The following GNAL variants were observed in gnomAD, a reference collection of about 807,000 sequenced individuals.
GNAL encodes the protein guanine nucleotide-binding protein G(olf) subunit alpha.
GNAL carries 18 observed loss-of-function variants against 55.1 expected under a neutral mutation model. The ratio of observed to expected loss-of-function variants is 0.33; its 90% CI spans 0.23 to 0.48. The LOEUF (loss-of-function observed/expected upper bound fraction) is 0.48, where lower values mean the gene tolerates loss of function less well. Ranked by LOEUF, GNAL falls within the 20% of genes least tolerant of loss-of-function variation. The pLI, the probability that GNAL is intolerant of heterozygous loss-of-function variation, is 0.99. For missense variants in GNAL, 412 were observed against 614.1 expected (o/e 0.67, Z 3.48); for synonymous variants, 253 against 237.0 (o/e 1.07, Z -0.62).
In GNAL at chr18:11,884,772, G is replaced by A. The variant is rs565448003; in HGVS notation, c.*3637G>A. 3 of 1,330,492 alleles carry A rather than the reference G, an allele frequency of 2.3e-6. No homozygotes were observed. The highest frequency in any genetic ancestry group is 2.8e-5 in the Admixed American group (1 of 35,724). 82.4% of individuals were successfully genotyped at this position (1,330,492 alleles called of 1,614,324 possible). A position where few individuals can be genotyped will look rare whatever the true frequency, so the allele number is the denominator to read the frequency against. On this transcript the variant is annotated 3_prime_UTR_variant, in exon 12 of 12. Coordinates refer to ENST00000334049, the MANE Select transcript of GNAL (RefSeq NM_182978.4). ...GGCCCTCCTCACCTGAGACCAAGGGGGCCCAGCCTTCTCCCTGCACAGCTC... is the reference window on the plus strand; with the variant it reads ...GGCCCTCCTCACCTGAGACCAAGGGAGCCCAGCCTTCTCCCTGCACAGCTC...
At chr18:11,861,692 C>T (rs911462744) in intron 5 of GNAL, among the ~76,000 whole-genome samples, 4 of 152,158 alleles carry the variant, frequency 2.6e-5, no homozygotes, top group Non-Finnish European at 5.9e-5. Flanking sequence ...AGCTCCCTCT[C>T]GGAAGGGTCA....
chr18:11,865,254 G>C (rs191817980), intron 7 of GNAL, among the ~76,000 whole-genome samples: 21 of 149,332 alleles, frequency 1.4e-4, no homozygotes, highest in Admixed American at 1.3e-3. Context: ...ACTACTGCTT[G>C]TGCACCGTAT....
chr18:11,743,984 C>T (rs930802519), intron 1 of GNAL, among the ~76,000 whole-genome samples: 1 of 152,066 alleles, frequency 6.6e-6, no homozygotes, highest in African/African-American at 2.4e-5. Flanking sequence ...TTTGCAGGTT[C>T]CTCTTGTTAT....
At chr18:11,699,638 C>G (rs1056281146) in intron 1 of GNAL, among the ~76,000 whole-genome samples, 6 of 151,998 alleles carry the variant, frequency 3.9e-5, no homozygotes, top group Non-Finnish European at 7.4e-5. Flanking sequence ...AAAGCAGTGA[C>G]TCTTAAGTGT....
At chr18:11,874,748 G>T (rs538576596) in intron 10 of GNAL, among the ~76,000 whole-genome samples, 2 of 146,376 alleles carry the variant, frequency 1.4e-5, no homozygotes, top group East Asian at 2.1e-4. Context: ...TGACATGGGC[G>T]CTCCCCAGCC....
At chr18:11,764,107 G>GT (rs1488674245) in intron 4 of GNAL, among the ~76,000 whole-genome samples, 2 of 151,588 alleles carry the variant, frequency 1.3e-5, no homozygotes, top group Non-Finnish European at 2.9e-5. Context: ...CTGTTTTTTT[G>GT]TTTTTTTGTT....
At chr18:11,867,476 C>T (rs1281168506) in intron 8 of GNAL, among the ~76,000 whole-genome samples, 2 of 151,870 alleles carry the variant, frequency 1.3e-5, no homozygotes, top group South Asian at 2.1e-4. Context: ...GTCAGGAGTT[C>T]GAGACCAGCC....
Position 11,689,645 on chromosome 18 carries a change from G to C in GNAL, c.82G>C (p.Glu28Gln). Residue 28 changes from glutamate to glutamine, a missense_variant, in exon 1 of 12, where the codon GAG (glutamate) becomes CAG (glutamine). Glu to Gln is a conservative substitution (Grantham distance 29). Coordinates refer to ENST00000334049, the MANE Select transcript of GNAL (RefSeq NM_182978.4). ...DPCAASEPPV[E>Q]DAQPAPAPAL... Reference sequence around the variant, plus strand: ...CTGCGCGGCCTCGGAGCCGCCGGTGGAGGACGCGCAGCCCGCCCCGGCCCC... The same window carrying C: ...CTGCGCGGCCTCGGAGCCGCCGGTGCAGGACGCGCAGCCCGCCCCGGCCCC... 7.2e-7 allele frequency: 1 copy of C among 1,393,796 alleles called. No individual in the cohort carries two copies. The highest frequency in any genetic ancestry group is 1.6e-5 in the South Asian group (1 of 62,214). 86.3% of individuals were successfully genotyped at this position (1,393,796 alleles called of 1,614,324 possible).
intron 5 of GNAL, chr18:11,851,387 C>A: frequency 7.9e-7 from 1 of 1,259,600 alleles, no homozygotes; most frequent in Non-Finnish European, 1.1e-6. Flanking sequence ...ACCTGCGCCG[C>A]TCACAGTAGA....
intron 4 of GNAL, among the ~76,000 whole-genome samples, chr18:11,815,601 C>T (rs977449433): frequency 6.6e-6 from 1 of 152,122 alleles, no homozygotes; most frequent in Non-Finnish European, 1.5e-5. Context: ...GCCCCACCTC[C>T]AACATTGGGG....
In GNAL at chr18:11,731,032, G is replaced by A. The variant is rs189786224; in HGVS notation, c.377-21821G>A. ...TTGCCACACAGAATCTATTGCATTA[G>A]ACTGATGATCTCTGTTTTAATGTTA... On this transcript the variant is annotated intron_variant, in intron 1 of 11. Coordinates refer to ENST00000334049, the MANE Select transcript of GNAL (RefSeq NM_182978.4). Among the ~76,000 whole-genome samples, 34 of 152,300 alleles carry A rather than the reference G, an allele frequency of 2.2e-4. 1 individual carries two copies. Among genetic ancestry groups the A allele is most frequent in the Middle Eastern group, 3.4e-3 (1 of 294 alleles).
intron 4 of GNAL, among the ~76,000 whole-genome samples, chr18:11,801,612 A>G (rs1231119226): frequency 6.6e-6 from 1 of 152,188 alleles, no homozygotes; most frequent in Non-Finnish European, 1.5e-5. Flanking sequence ...AGAAGATGCC[A>G]TAGAGAGGCA....
intron 8 of GNAL, among the ~76,000 whole-genome samples, chr18:11,867,476 C>G (rs1281168506): frequency 6.6e-6 from 1 of 151,870 alleles, no homozygotes; most frequent in East Asian, 1.9e-4. Context: ...GTCAGGAGTT[C>G]GAGACCAGCC....
chr18:11,773,752 C>T (rs1447433149), intron 4 of GNAL, among the ~76,000 whole-genome samples: 1 of 152,202 alleles, frequency 6.6e-6, no homozygotes, highest in African/African-American at 2.4e-5. Flanking sequence ...GCACTGTGCT[C>T]TAGCCTGATG....
chr18:11,820,286 A>G (rs1361721354), intron 4 of GNAL, among the ~76,000 whole-genome samples: 1 of 152,194 alleles, frequency 6.6e-6, no homozygotes, highest in Non-Finnish European at 1.5e-5. Context: ...CCAGTGTCAC[A>G]TAATTGGGGG....
At chr18:11,793,925 A>G (rs2034307493) in intron 4 of GNAL, among the ~76,000 whole-genome samples, 1 of 152,086 alleles carries the variant, frequency 6.6e-6, no homozygotes, top group African/African-American at 2.4e-5. Flanking sequence ...AAAAAAAAAA[A>G]AAAAGGACAA....
chr18:11,769,005 T>C (rs1386524678), intron 4 of GNAL, among the ~76,000 whole-genome samples: 21 of 99,026 alleles, frequency 2.1e-4, no homozygotes, highest in African/African-American at 1.3e-3. Flanking sequence ...TAATATAGAA[T>C]ATATATATTC....
chr18:11,810,659 T>A (rs930006518), intron 4 of GNAL: 1 of 152,210 alleles, frequency 6.6e-6, no homozygotes, highest in African/African-American at 2.4e-5. Flanking sequence ...TGAGGCTTGG[T>A]TTACAGCATG....
At chr18:11,861,989 CA>C (rs912710805) in intron 5 of GNAL, among the ~76,000 whole-genome samples, 3 of 150,204 alleles carry the variant, frequency 2.0e-5, no homozygotes, top group Admixed American at 6.6e-5. Context: ...CACACACACA[CA>C]ACATCTGGAT....
Sources: allele counts gnomAD v4.1 joint callset (sites outside exome capture counted in the v4.1 genomes callset), GRCh38; gene constraint gnomAD v4.1.1; transcripts MANE v1.5; gene names NCBI Gene and HGNC (gene_info 2026-07-23, HGNC 2026-07-21).